Variants in SMARCB1 observed in about 807,000 individuals in gnomAD.
SMARCB1 encodes the protein SWI/SNF-related matrix-associated actin-dependent regulator of chromatin subfamily B member 1.
Under a neutral mutation model 49.0 loss-of-function variants are expected in SMARCB1, and 5 were observed. That is an observed-to-expected ratio of 0.10 (90% confidence interval 0.05 to 0.21). SMARCB1 has a LOEUF of 0.21. SMARCB1 is among the 10% of genes least tolerant of loss of function. The probability of loss-of-function intolerance (pLI) is 1.00; values close to 1 mark genes in which losing one functional copy is unlikely to be tolerated. For missense variants in SMARCB1, 226 were observed against 509.2 expected (o/e 0.44, Z 5.35); for synonymous variants, 201 against 200.1 (o/e 1.00, Z -0.04).
At chr22:23,807,331 G>T (rs557648251) in intron 5 of SMARCB1, among the ~76,000 whole-genome samples, 10 of 151,832 alleles carry the variant, frequency 6.6e-5, no homozygotes, top group Non-Finnish European at 1.3e-4. Context: ...GCTGAGCACA[G>T]TTGCTCACGC....
chr22:23,793,526 G>A (rs2145963416), intron 2 of SMARCB1, 33 bp from the exon 3 acceptor site: 2 of 1,613,582 alleles, frequency 1.2e-6, no homozygotes, highest in Non-Finnish European at 1.7e-6. Flanking sequence ...ACCGCCACCA[G>A]CAGAGTGACC....
chr22:23,836,962 T>C lies in SMARCB1; in HGVS notation c.*2782T>C. ...CTGCAGGGGCATCCAGGAGCAGCTTTCTGTGGGGAGGGGCCCGTGTTGAGC... is the reference window on the plus strand; with the variant it reads ...CTGCAGGGGCATCCAGGAGCAGCTTCCTGTGGGGAGGGGCCCGTGTTGAGC... On this transcript the variant is annotated 3_prime_UTR_variant, in exon 9 of 9. Transcript: ENST00000644036. 1 of 1,599,530 alleles carries C rather than the reference T, an allele frequency of 6.3e-7. No individual in the cohort carries two copies. Among genetic ancestry groups the C allele is most frequent in the Non-Finnish European group, 8.5e-7 (1 of 1,173,354 alleles).
chr22:23,813,955 G>A (rs1364487831), intron 5 of SMARCB1, among the ~76,000 whole-genome samples: 2 of 151,948 alleles, frequency 1.3e-5, no homozygotes, highest in Non-Finnish European at 1.5e-5. Flanking sequence ...TTAGTCTCCC[G>A]AGTAGGTGGG....
At chr22:23,825,107 G>C (rs1224583687) in intron 6 of SMARCB1, 118 bp from the exon 7 acceptor site, 8 of 806,494 alleles carry the variant, frequency 9.9e-6, no homozygotes, top group Non-Finnish European at 1.7e-5. Context: ...ACCACCTGCA[G>C]TTCTCAGCTG....
chr22:23,794,026 C>T (rs1928585105), intron 3 of SMARCB1, among the ~76,000 whole-genome samples: 1 of 152,148 alleles, frequency 6.6e-6, no homozygotes, highest in Admixed American at 6.5e-5. Flanking sequence ...CTCACTGCAA[C>T]TTCTGCCTAC....
chr22:23,821,137 C>G (rs1277137232), intron 6 of SMARCB1, among the ~76,000 whole-genome samples: 3 of 152,244 alleles, frequency 2.0e-5, no homozygotes, highest in African/African-American at 7.2e-5. Flanking sequence ...CTCTGACTTA[C>G]CTGTGATTCC....
chr22:23,825,479 C>G, intron 7 of SMARCB1, 64 bp downstream of exon 7: 1 of 1,427,202 alleles, frequency 7.0e-7, no homozygotes, highest in Non-Finnish European at 9.8e-7. Flanking sequence ...AGAAAGACTT[C>G]TCTGTGTGAG....
At chr22:23,828,571 T>C (rs924008894) in intron 7 of SMARCB1, among the ~76,000 whole-genome samples, 1 of 152,078 alleles carries the variant, frequency 6.6e-6, no homozygotes, top group Non-Finnish European at 1.5e-5. Context: ...GGAGAATTGC[T>C]TGAACCCGTG....
intron 5 of SMARCB1, chr22:23,814,860 C>CT (rs1216970141): frequency 1.3e-5 from 2 of 151,592 alleles, no homozygotes; most frequent in Non-Finnish European, 2.9e-5. Context: ...ATTCCAGCTA[C>CT]TTGGGAGGCT....
At chr22:23,810,922 C>T (rs890387790) in intron 5 of SMARCB1, among the ~76,000 whole-genome samples, 2 of 151,318 alleles carry the variant, frequency 1.3e-5, no homozygotes, top group African/African-American at 4.9e-5. Context: ...CCCAGCTACT[C>T]GGGAACGGGA....
At chr22:23,806,444 G>A (rs925596248) in intron 5 of SMARCB1, among the ~76,000 whole-genome samples, 31 of 152,208 alleles carry the variant, frequency 2.0e-4, no homozygotes, top group Non-Finnish European at 2.4e-4. Flanking sequence ...GGTGGTATTT[G>A]GCATTTGTAA....
At chr22:23,816,352 A>C in intron 5 of SMARCB1, 1 of 324,892 alleles carries the variant, frequency 3.1e-6, no homozygotes, top group South Asian at 3.1e-5. Context: ...TGCTCACATG[A>C]GGCCTGGTAT....
rs6003906 is a variant in SMARCB1 at position 23,837,862 on chromosome 22, A to T, written c.*3682A>T. The T allele has an allele frequency of 0.013, 20,957 of 1,608,900 alleles. 2,252 individuals are homozygous for T. The African/African-American group carries it at 0.24, about 18-fold the overall frequency. On this transcript the variant is annotated 3_prime_UTR_variant, in exon 9 of 9. Coordinates refer to ENST00000644036, the MANE Select transcript of SMARCB1 (RefSeq NM_003073.5). ...GCCCAGGAGTCCCAGCAGCTGGGCC[A>T]GAGTCAAGGTGCTCCGGTGCAGGCC...
At position 23,812,151 on chromosome 22, in the gene SMARCB1, G is replaced by A. The variant is rs114964548; in HGVS notation, c.629-4619G>A. Among the ~76,000 whole-genome samples the A allele has an allele frequency of 5.8e-3, 885 of 152,238 alleles. 7 individuals carry two copies. The highest frequency in any genetic ancestry group is 0.022 in the South Asian group (107 of 4,828). ...TATAACTATTAAGGAAACAGAATTTGTAATTTAAAAACCCCAAAAAATGGC... is the reference window on the plus strand; with the variant it reads ...TATAACTATTAAGGAAACAGAATTTATAATTTAAAAACCCCAAAAAATGGC... On this transcript the variant is annotated intron_variant, in intron 5 of 8. Transcript: ENST00000644036.
intron 7 of SMARCB1, among the ~76,000 whole-genome samples, chr22:23,828,201 C>T (rs893875256): frequency 4.6e-5 from 7 of 152,210 alleles, no homozygotes; most frequent in South Asian, 2.1e-4. Context: ...TACAGGTGCC[C>T]GCCACCACGC....
chr22:23,832,839 G>T (rs1225639710), intron 7 of SMARCB1, among the ~76,000 whole-genome samples: 1 of 152,218 alleles, frequency 6.6e-6, no homozygotes, highest in Non-Finnish European at 1.5e-5. Context: ...TTTAGCCTCT[G>T]CCCTTGCTGC....
chr22:23,824,542 C>A (rs1013511652), intron 6 of SMARCB1: 1 of 151,726 alleles, frequency 6.6e-6, no homozygotes, highest in Admixed American at 6.5e-5. Context: ...AGGTGGGAGC[C>A]CCTGGGGTAC....
intron 5 of SMARCB1, chr22:23,803,693 A>T (rs1027216675): frequency 1.9e-6 from 1 of 533,120 alleles, no homozygotes; most frequent in Non-Finnish European, 3.4e-6. Context: ...TCTGCATAGC[A>T]TGGATGATGA....
chr22:23,808,322 C>T (rs1306761390), intron 5 of SMARCB1, among the ~76,000 whole-genome samples: 2 of 152,158 alleles, frequency 1.3e-5, no homozygotes, highest in South Asian at 2.1e-4. Context: ...AGGGTTTCAC[C>T]GTGTTAGCCA....
Sources: gnomAD v4.1 joint callset for allele counts (sites outside exome capture counted in the v4.1 genomes callset) on GRCh38, gnomAD v4.1.1 for gene constraint, MANE v1.5 for transcripts, NCBI Gene and HGNC (gene_info 2026-07-23, HGNC 2026-07-21) for gene names.